C9orf85: variants seen among roughly 807,000 people sequenced by gnomAD.
The protein encoded by C9orf85 is chromosome 9 open reading frame 85, also known as uncharacterized protein C9orf85.
A neutral mutation model predicts 14.9 loss-of-function variants in C9orf85; 16 were observed. That is an observed-to-expected ratio of 1.08 (90% CI 0.73 to 1.63). The LOEUF (loss-of-function observed/expected upper bound fraction) is 1.63. C9orf85 is among the 40% of genes most tolerant of loss of function. The pLI, the probability that C9orf85 is intolerant of heterozygous loss-of-function variation, is 0.00. For synonymous variants in C9orf85, 45 were observed against 56.8 expected (o/e 0.79, Z 0.93); for missense variants, 172 against 186.1 (o/e 0.92, Z 0.44).
rs1175712243 is a variant in C9orf85, at chr9:71,911,790, C to A, written c.56C>A (p.Thr19Lys). Reference sequence around the variant, plus strand: ...TCCAGACCTCAGAAGCACCAGAATACGTTTAGCTTCAAAAATGACAAGTTC... The same window carrying A: ...TCCAGACCTCAGAAGCACCAGAATAAGTTTAGCTTCAAAAATGACAAGTTC... The part of the protein sequence containing the change: ...ARSRPQKHQN[T>K]FSFKNDKFDK... Residue 19 changes from threonine to lysine, a missense_variant, in exon 1 of 4, where the codon ACG becomes AAG. Physicochemically the swap from Thr to Lys is moderately conservative, Grantham distance 78 (BLOSUM62 -1). Transcript: ENST00000334731. 6.2e-7 allele frequency: 1 copy of A among 1,614,092 alleles called. No homozygotes were observed. Among genetic ancestry groups the A allele is most frequent in the East Asian group, 2.2e-5 (1 of 44,870 alleles).
intron 2 of C9orf85, among the ~76,000 whole-genome samples, chr9:71,953,897 G>C (rs748681096): frequency 2.8e-4 from 43 of 152,028 alleles, no homozygotes; most frequent in Non-Finnish European, 3.1e-4. Flanking sequence ...CTAGGAGTTT[G>C]AGACTAGCCT....
chr9:71,955,544 C>T (rs1350211277), intron 2 of C9orf85, among the ~76,000 whole-genome samples: 1 of 152,140 alleles, frequency 6.6e-6, no homozygotes, highest in Non-Finnish European at 1.5e-5. Flanking sequence ...TACAGCTTGG[C>T]ATTTGCCTTA....
intron 1 of C9orf85, among the ~76,000 whole-genome samples, chr9:71,915,036 T>C (rs902209643): frequency 6.6e-6 from 1 of 152,184 alleles, no homozygotes; most frequent in East Asian, 1.9e-4. Context: ...GAGCCATTCC[T>C]TAGCCCCAGT....
chr9:71,942,771 C>T (rs576298139), intron 1 of C9orf85, among the ~76,000 whole-genome samples: 3 of 151,996 alleles, frequency 2.0e-5, no homozygotes, highest in South Asian at 2.1e-4. Flanking sequence ...GGCATGGTGG[C>T]GTGTGCCTGT....
At chr9:71,977,582 G>A (rs939732404), downstream of C9orf85, among the ~76,000 whole-genome samples, 1 of 152,158 alleles carries the variant, frequency 6.6e-6, no homozygotes. Flanking sequence ...TTTATGCAAA[G>A]TTATAAATAT....
chr9:71,915,107 A>G (rs1357244135), intron 1 of C9orf85, among the ~76,000 whole-genome samples: 2 of 152,054 alleles, frequency 1.3e-5, no homozygotes, highest in East Asian at 3.9e-4. Flanking sequence ...AATCTATGAT[A>G]CTGGGTTAGT....
chr9:71,946,997 G>C lies in C9orf85; in HGVS notation c.103-9G>C, dbSNP rs1822109490. ...AAATTCTCAATTTGTCTTTCTGTTT[G>C]TTTTTAAGAAAATTAATGCAAAACT... is the stretch of plus-strand genomic sequence containing the variant. On this transcript the variant is annotated splice_polypyrimidine_tract_variant and intron_variant, in intron 1 of 3. Coordinates refer to ENST00000334731, the MANE Select transcript of C9orf85 (RefSeq NM_182505.5). The C allele has an allele frequency of 1.9e-6, 3 of 1,599,288 alleles. No homozygotes were observed. The highest frequency in any genetic ancestry group is 2.6e-6 in the Non-Finnish European group (3 of 1,169,050).
At chr9:71,929,951 A>C (rs1159497692) in intron 1 of C9orf85, among the ~76,000 whole-genome samples, 1 of 148,486 alleles carries the variant, frequency 6.7e-6, no homozygotes, top group African/African-American at 2.5e-5. Flanking sequence ...TTTGAGCCTT[A>C]GGTTTCTCAT....
At chr9:71,938,243 T>G (rs1189849025) in intron 1 of C9orf85, among the ~76,000 whole-genome samples, 4 of 152,096 alleles carry the variant, frequency 2.6e-5, no homozygotes, top group Admixed American at 2.0e-4. Flanking sequence ...ATAGCAAGAA[T>G]TTTAATTCCT....
chr9:71,945,007 G>A (rs1390249639), intron 1 of C9orf85, among the ~76,000 whole-genome samples: 1 of 152,100 alleles, frequency 6.6e-6, no homozygotes, highest in Non-Finnish European at 1.5e-5. Flanking sequence ...AGATGAACTG[G>A]TCAGAAATTG....
intron 1 of C9orf85, among the ~76,000 whole-genome samples, chr9:71,915,323 G>A (rs1827621549): frequency 6.6e-6 from 1 of 151,708 alleles, no homozygotes. Context: ...TGGGATTTCA[G>A]GGGCACACAA....
At chr9:71,959,675 T>C (rs1822465826) in intron 2 of C9orf85, among the ~76,000 whole-genome samples, 1 of 152,182 alleles carries the variant, frequency 6.6e-6, no homozygotes, top group Non-Finnish European at 1.5e-5. Flanking sequence ...AGAACCAAAA[T>C]AATACCTGTT....
At chr9:71,911,933 TG>T (rs1827507206) in intron 1 of C9orf85, 97 bp downstream of exon 1, 2 of 1,065,348 alleles carry the variant, frequency 1.9e-6, no homozygotes. Flanking sequence ...GGGGCGAGTG[TG>T]GACCGCAGCC....
At chr9:71,974,875 A>G (rs73475991), downstream of C9orf85, among the ~76,000 whole-genome samples, 967 of 152,260 alleles carry the variant, frequency 6.4e-3, 10 homozygotes, top group African/African-American at 0.022. Flanking sequence ...TAATAATTGT[A>G]TTTCTAATTA....
In C9orf85 at chr9:71,963,976, C is replaced by A. The variant is rs182514032; in HGVS notation, c.210-7529C>A. Among the ~76,000 whole-genome samples the A allele has an allele frequency of 2.0e-5, 3 of 152,314 alleles. No individual in the cohort carries two copies. In the East Asian group the frequency reaches 5.8e-4, roughly 29 times the overall value. ...TCCATCTGCAGCCCCGGAGTGGGATCCACGGGGTGAAGCCAGCTGGGCTCC... is the reference window on the plus strand; with the variant it reads ...TCCATCTGCAGCCCCGGAGTGGGATACACGGGGTGAAGCCAGCTGGGCTCC... On this transcript the variant is annotated intron_variant, in intron 2 of 3. Coordinates refer to ENST00000334731, the MANE Select transcript of C9orf85 (RefSeq NM_182505.5).
At chr9:71,952,403 C>T (rs952747839) in intron 2 of C9orf85, among the ~76,000 whole-genome samples, 5 of 152,144 alleles carry the variant, frequency 3.3e-5, no homozygotes, top group East Asian at 1.9e-4. Flanking sequence ...CTCGCTCTGT[C>T]GCCCAGGCTG....
At chr9:71,927,171 T>C (rs530277182) in intron 1 of C9orf85, among the ~76,000 whole-genome samples, 3 of 151,238 alleles carry the variant, frequency 2.0e-5, no homozygotes, top group Non-Finnish European at 2.9e-5. Flanking sequence ...TACAAAATAC[T>C]GTAAAGGAGT....
At position 71,911,836 on chromosome 9, in the gene C9orf85, G is replaced by C; in HGVS notation, c.102G>C (p.Lys34Asn). 1 of 1,613,598 alleles carries C rather than the reference G, an allele frequency of 6.2e-7. No homozygotes were observed. Among genetic ancestry groups the C allele is most frequent in the Non-Finnish European group, 8.5e-7 (1 of 1,179,536 alleles). The change falls in exon 1 of 4, where the codon AAG becomes AAC. Residue 34 changes from lysine to asparagine, a missense_variant and splice_region_variant. Physicochemically the swap from Lys to Asn is moderately conservative, Grantham distance 94 (BLOSUM62 0). Transcript: ENST00000334731. ...AGTTCGATAAAAGTGTGCAGACCAA[G>C]GTAGGAACCTGCCTGTTGCACCGTC... ...NDKFDKSVQTKKINAKLHDGV... is the reference protein window; with the variant it reads ...NDKFDKSVQTNKINAKLHDGV...
downstream of C9orf85, among the ~76,000 whole-genome samples, chr9:71,977,853 T>C (rs972545036): frequency 1.3e-5 from 2 of 152,204 alleles, no homozygotes; most frequent in Non-Finnish European, 2.9e-5. Context: ...GGGGTTAGAA[T>C]TGCTTACTCA....
Sources: allele counts gnomAD v4.1 joint callset (sites outside exome capture counted in the v4.1 genomes callset), GRCh38; gene constraint gnomAD v4.1.1; transcripts MANE v1.5; gene names NCBI Gene and HGNC (gene_info 2026-07-23, HGNC 2026-07-21).